CEP112: variants seen among roughly 807,000 people sequenced by gnomAD.
CEP112 encodes centrosomal protein 112.
Under a neutral mutation model 153.0 loss-of-function variants are expected in CEP112, and 127 were observed. The ratio of observed to expected loss-of-function variants is 0.83; its 90% CI spans 0.72 to 0.96. CEP112 has a LOEUF of 0.96. Among genes scored for constraint, CEP112 ranks in the 40% least tolerant of loss-of-function variants. CEP112 has a pLI of 0.00. For missense variants in CEP112, 1,089 were observed against 1,101.2 expected (o/e 0.99, Z 0.16); for synonymous variants, 358 against 374.4 (o/e 0.96, Z 0.51).
chr17:65,915,948 C>T (rs969857769), intron 19 of CEP112, among the ~76,000 whole-genome samples: 7 of 152,242 alleles, frequency 4.6e-5, no homozygotes, highest in African/African-American at 1.4e-4. Flanking sequence ...CACTCTCTTC[C>T]AAGTTCACTC....
At chr17:66,097,353 T>TAAA (rs2068391173) in intron 6 of CEP112, among the ~76,000 whole-genome samples, 1 of 152,184 alleles carries the variant, frequency 6.6e-6, no homozygotes, top group African/African-American at 2.4e-5. Context: ...ACTACTCCAG[T>TAAA]AGTACCCTGG....
intron 16 of CEP112, among the ~76,000 whole-genome samples, chr17:66,009,232 T>TGTGTGTGTGTGTGTGTGTGTGTGTG (rs1568372555): frequency 2.2e-5 from 3 of 137,276 alleles, no homozygotes; most frequent in African/African-American, 8.1e-5. Flanking sequence ...TGTGTGTGTG[T>TGTGTGTGTGTGTGTGTGTGTGTGTG]TAGCAAAAGC....
In CEP112 at chr17:66,022,946, C is replaced by A. The variant is rs185465267; in HGVS notation, c.1656+4555G>T. Among the ~76,000 whole-genome samples, 53 of 151,596 alleles carry A rather than the reference C, an allele frequency of 3.5e-4. No individual in the cohort carries two copies. In the East Asian group the frequency reaches 9.1e-3, roughly 26 times the overall value. ...TGAAAGCTTCAACAATTGACTGGACCAAGCAGAAAAGAAAATTCTCAGAAA... is the reference window on the plus strand; with the variant it reads ...TGAAAGCTTCAACAATTGACTGGACAAAGCAGAAAAGAAAATTCTCAGAAA... On this transcript the variant is annotated intron_variant, in intron 16 of 26. Coordinates refer to ENST00000535342, the MANE Select transcript of CEP112 (RefSeq NM_001199165.4).
chr17:66,176,284 G>A (rs190568560), intron 3 of CEP112, among the ~76,000 whole-genome samples: 10 of 152,236 alleles, frequency 6.6e-5, no homozygotes, highest in African/African-American at 2.4e-4. Context: ...ATATTTTATG[G>A]TTACAAGGAC....
chr17:66,099,504 C>CAAAA (rs71160532), intron 6 of CEP112, among the ~76,000 whole-genome samples: 7 of 113,916 alleles, frequency 6.1e-5, no homozygotes, highest in South Asian at 3.3e-4. Flanking sequence ...AACTCTGTCT[C>CAAAA]AAAAAAAAAA....
chr17:65,887,591 C>G (rs1393263091), intron 20 of CEP112, among the ~76,000 whole-genome samples: 1 of 152,198 alleles, frequency 6.6e-6, no homozygotes, highest in Admixed American at 6.5e-5. Flanking sequence ...CCCAGTGCTA[C>G]AAGCACACCC....
chr17:66,122,698 C>T (rs2069657381), intron 6 of CEP112, among the ~76,000 whole-genome samples: 1 of 152,044 alleles, frequency 6.6e-6, no homozygotes, highest in African/African-American at 2.4e-5. Context: ...GCTGTTTGTT[C>T]TATTATTTTC....
chr17:65,644,829 C>G (rs2045347136), intron 24 of CEP112, among the ~76,000 whole-genome samples: 1 of 152,176 alleles, frequency 6.6e-6, no homozygotes, highest in African/African-American at 2.4e-5. Flanking sequence ...AGGAGGATTA[C>G]TTGAGCCCCT....
At chr17:65,781,394 A>T (rs2053987588) in intron 21 of CEP112, among the ~76,000 whole-genome samples, 1 of 152,216 alleles carries the variant, frequency 6.6e-6, no homozygotes, top group Non-Finnish European at 1.5e-5. Context: ...TGGAAGAATC[A>T]ATATCATTAA....
rs34157761 is a variant in CEP112, at chr17:65,665,191, A to ATTT, written c.2697+23935_2697+23937dup. 1.3e-5 allele frequency among the ~76,000 whole-genome samples: 2 copies of ATTT among 152,024 alleles called. 1 individual carries two copies. The highest frequency in any genetic ancestry group is 2.9e-5 in the Non-Finnish European group (2 of 67,998). ...AATGCCTTTTATTTCCACACCAGAG[A>ATTT]TTTTTTTCACCCCCACTTTGCTGTG... On this transcript the variant is annotated intron_variant, in intron 24 of 26. Transcript: ENST00000535342.
intron 19 of CEP112, among the ~76,000 whole-genome samples, chr17:65,905,652 G>T (rs1293927488): frequency 6.6e-6 from 1 of 152,058 alleles, no homozygotes; most frequent in Non-Finnish European, 1.5e-5. Context: ...ATGCATGGCT[G>T]GGTACGGTGG....
intron 18 of CEP112, among the ~76,000 whole-genome samples, chr17:65,956,387 A>T (rs1304167594): frequency 7.9e-6 from 1 of 127,072 alleles, no homozygotes; most frequent in Non-Finnish European, 1.7e-5. Flanking sequence ...TAAAGAAATT[A>T]TGATATATAT....
chr17:66,081,047 G>C (rs1280630248), intron 8 of CEP112, among the ~76,000 whole-genome samples: 1 of 152,114 alleles, frequency 6.6e-6, no homozygotes, highest in Non-Finnish European at 1.5e-5. Flanking sequence ...AGCATTAGGA[G>C]AAATACCTCA....
intron 23 of CEP112, among the ~76,000 whole-genome samples, chr17:65,716,602 T>A (rs150150761): frequency 9.7e-4 from 147 of 152,272 alleles, no homozygotes; most frequent in African/African-American, 3.5e-3. Flanking sequence ...CCTTTATGTG[T>A]CTGAAATACT....
At chr17:66,049,378 A>T (rs2066347414) in intron 12 of CEP112, among the ~76,000 whole-genome samples, 1 of 152,228 alleles carries the variant, frequency 6.6e-6, no homozygotes, top group Non-Finnish European at 1.5e-5. Flanking sequence ...TACACAGCAC[A>T]TTATGACTTA....
intron 23 of CEP112, among the ~76,000 whole-genome samples, chr17:65,729,592 T>G (rs2050380930): frequency 1.3e-5 from 2 of 152,318 alleles, no homozygotes; most frequent in Middle Eastern, 3.4e-3. Flanking sequence ...AGATTAACAA[T>G]GTCCAAGTAG....
chr17:65,713,961 C>T (rs1344040877), intron 23 of CEP112, among the ~76,000 whole-genome samples: 1 of 152,152 alleles, frequency 6.6e-6, no homozygotes, highest in Non-Finnish European at 1.5e-5. Flanking sequence ...TCTTCTCTCT[C>T]GGTCTGGCCA....
chr17:66,080,173 C>T (rs976346711), intron 8 of CEP112, among the ~76,000 whole-genome samples: 1 of 152,084 alleles, frequency 6.6e-6, no homozygotes. Flanking sequence ...TCTAATTAAA[C>T]TAAAGAGCTT....
At chr17:65,724,328 T>C (rs75327060) in intron 23 of CEP112, among the ~76,000 whole-genome samples, 2,062 of 152,326 alleles carry the variant, frequency 0.014, 42 homozygotes, top group African/African-American at 0.047. Context: ...TTATTTTGCT[T>C]AATTTATTGA....
Sources: allele counts gnomAD v4.1 joint callset (sites outside exome capture counted in the v4.1 genomes callset), GRCh38; gene constraint gnomAD v4.1.1; transcripts MANE v1.5; gene names NCBI Gene and HGNC (gene_info 2026-07-23, HGNC 2026-07-21).